Variants in LOC400499 observed in about 807,000 individuals in gnomAD.
At chr16:11,431,400 T>C in the LOC400499 span, among the ~76,000 whole-genome samples, 1 of 152,104 alleles carries the variant, frequency 6.6e-6, no homozygotes, top group Admixed American at 6.6e-5. Flanking sequence ...ATACTGATAT[T>C]GAGCTTTTTT....
At chr16:11,446,662 A>T in the LOC400499 span, 1 of 1,535,006 alleles carries the variant, frequency 6.5e-7, no homozygotes, top group Non-Finnish European at 8.7e-7. Flanking sequence ...ACATACATGT[A>T]CACACGCATG....
chr16:11,493,679 TG>T, the LOC400499 span: 1 of 397,114 alleles, frequency 2.5e-6, no homozygotes, highest in East Asian at 3.6e-5. Context: ...AAGGCCTGGA[TG>T]GCCCCCAGCC....
At chr16:11,452,614 G>C in the LOC400499 span, among the ~76,000 whole-genome samples, 11 of 152,260 alleles carry the variant, frequency 7.2e-5, no homozygotes, top group African/African-American at 2.7e-4. Context: ...TGCCCAGGCA[G>C]GACCTGAAAA....
At chr16:11,478,089 G>T in the LOC400499 span, 22 of 395,356 alleles carry the variant, frequency 5.6e-5, no homozygotes, top group Non-Finnish European at 8.9e-5. Context: ...GAGACGGGTG[G>T]ATCATTTGAG....
the LOC400499 span, chr16:11,443,387 G>A: frequency 7.0e-6 from 3 of 429,332 alleles, no homozygotes; most frequent in East Asian, 2.2e-4. Context: ...CATGAACCTG[G>A]GACGTGGAGG....
At chr16:11,440,405 CCA>C in the LOC400499 span, among the ~76,000 whole-genome samples, 2 of 152,182 alleles carry the variant, frequency 1.3e-5, no homozygotes, top group Non-Finnish European at 2.9e-5. Context: ...ACATAATTCT[CCA>C]CTCTCTGTCC....
chr16:11,384,410 G>C, the LOC400499 span: 1 of 726,610 alleles, frequency 1.4e-6, no homozygotes, highest in Non-Finnish European at 1.9e-6. Context: ...GGACCTGTGT[G>C]TGAGATGAGC....
the LOC400499 span, chr16:11,431,077 G>A: frequency 5.0e-6 from 2 of 398,944 alleles, no homozygotes; most frequent in African/African-American, 4.1e-5. Context: ...TCCTGTGAGT[G>A]TCAGGAGGCG....
At chr16:11,398,092 C>T in the LOC400499 span, among the ~76,000 whole-genome samples, 533 of 152,262 alleles carry the variant, frequency 3.5e-3, 3 homozygotes, top group African/African-American at 0.012. Flanking sequence ...CTGAGCATTC[C>T]CGCATCATGT....
At chr16:11,489,018 T>C in the LOC400499 span, among the ~76,000 whole-genome samples, 3 of 152,260 alleles carry the variant, frequency 2.0e-5, no homozygotes, top group African/African-American at 7.2e-5. Context: ...GAGACCTACG[T>C]CTTCTCTCAA....
At chr16:11,376,941 C>CT in the LOC400499 span, among the ~76,000 whole-genome samples, 66,481 of 142,752 alleles carry the variant, frequency 0.47, 15,923 homozygotes, top group Admixed American at 0.6. Context: ...TGTAAATGGA[C>CT]TTTTTTTTTT....
the LOC400499 span, among the ~76,000 whole-genome samples, chr16:11,420,602 C>A: frequency 3.6e-5 from 3 of 83,046 alleles, no homozygotes; most frequent in African/African-American, 1.3e-4. Context: ...AATAAACCCC[C>A]CCCCCCGGAA....
chr16:11,408,731 G>C, the LOC400499 span, among the ~76,000 whole-genome samples: 17 of 152,132 alleles, frequency 1.1e-4, no homozygotes, highest in African/African-American at 3.9e-4. Flanking sequence ...CCAAAGTGTT[G>C]TGATTATGAG....
the LOC400499 span, chr16:11,425,065 C>T: frequency 2.5e-6 from 1 of 398,622 alleles, no homozygotes; most frequent in Non-Finnish European, 4.4e-6. Context: ...TCCCCCCTCC[C>T]TTGGCTCCAG....
At chr16:11,476,980 G>A in the LOC400499 span, 2 of 399,398 alleles carry the variant, frequency 5.0e-6, no homozygotes, top group Non-Finnish European at 8.8e-6. Context: ...TGCATCCCGA[G>A]GGCCCTGGGG....
the LOC400499 span, chr16:11,462,213 C>T: frequency 3.7e-5 from 56 of 1,534,168 alleles, no homozygotes; most frequent in Non-Finnish European, 4.4e-5. Flanking sequence ...GTGAAGACGA[C>T]GGGGCTGCCC....
At chr16:11,419,552 A>C in the LOC400499 span, among the ~76,000 whole-genome samples, 1 of 152,242 alleles carries the variant, frequency 6.6e-6, no homozygotes, top group Non-Finnish European at 1.5e-5. Flanking sequence ...CAAGGACTTC[A>C]TGTCTAGAAC....
the LOC400499 span, among the ~76,000 whole-genome samples, chr16:11,416,686 G>C: frequency 1.3e-5 from 2 of 152,150 alleles, no homozygotes; most frequent in Admixed American, 1.3e-4. Context: ...AGGAAACGGG[G>C]AGGTGGAAAA....
At chr16:11,524,933 C>T in the LOC400499 span, among the ~76,000 whole-genome samples, 1 of 152,122 alleles carries the variant, frequency 6.6e-6, no homozygotes, top group African/African-American at 2.4e-5. Context: ...TCCTCAAAAC[C>T]ACCCCGCTGC....
Sources: gnomAD v4.1 joint callset for allele counts (sites outside exome capture counted in the v4.1 genomes callset) on GRCh38, gnomAD v4.1.1 for gene constraint, MANE v1.5 for transcripts.